Variants in TNIP1 observed in about 807,000 individuals in gnomAD.
TNIP1 encodes the protein TNFAIP3-interacting protein 1.
In TNIP1, 22 loss-of-function variants were observed where a neutral mutation model predicts 86.6. The ratio of observed to expected loss-of-function variants is 0.25; its 90% CI spans 0.18 to 0.36. The LOEUF is 0.36. Ranked by LOEUF, TNIP1 falls within the 10% of genes least tolerant of loss-of-function variation. The probability of loss-of-function intolerance (pLI) is 1.00; values close to 1 mark genes in which losing one functional copy is unlikely to be tolerated. For synonymous variants in TNIP1, 294 were observed against 313.0 expected (o/e 0.94, Z 0.64); for missense variants, 709 against 820.6 (o/e 0.86, Z 1.66).
At chr5:151,034,766 G>C in intron 15 of TNIP1, 1 of 536,474 alleles carries the variant, frequency 1.9e-6, no homozygotes, top group Non-Finnish European at 3.4e-6. Context: ...AAGAAGGCTA[G>C]TCACATGGGC....
chr5:151,030,805 T>G, intron 17 of TNIP1, 58 bp from the exon 18 acceptor site: 1 of 1,430,992 alleles, frequency 7.0e-7, no homozygotes, highest in Non-Finnish European at 9.7e-7. Flanking sequence ...AGTTTCAAAG[T>G]CTCTTATGGA....
intron 9 of TNIP1, among the ~76,000 whole-genome samples, chr5:151,043,343 G>C (rs1254922992): frequency 6.6e-6 from 1 of 152,108 alleles, no homozygotes; most frequent in Non-Finnish European, 1.5e-5. Flanking sequence ...ACTTACACAA[G>C]TGTGCAAATA....
intron 6 of TNIP1, among the ~76,000 whole-genome samples, chr5:151,052,520 C>G (rs1197066358): frequency 1.3e-5 from 2 of 152,220 alleles, no homozygotes; most frequent in Non-Finnish European, 2.9e-5. Flanking sequence ...ACAGCTCCAT[C>G]CCTTCTCCTT....
chr5:151,083,948 C>T (rs1457744103), upstream of TNIP1, among the ~76,000 whole-genome samples: 1 of 152,192 alleles, frequency 6.6e-6, no homozygotes, highest in Non-Finnish European at 1.5e-5. Flanking sequence ...GAGGTCGGCA[C>T]CATTATCATC....
chr5:151,043,999 A>C (rs1271913297), intron 9 of TNIP1, among the ~76,000 whole-genome samples: 1 of 152,080 alleles, frequency 6.6e-6, no homozygotes, highest in Admixed American at 6.5e-5. Flanking sequence ...GCATATGATA[A>C]AAAAAATTAC....
intron 15 of TNIP1, 127 bp from the exon 16 acceptor site, chr5:151,033,926 G>T: frequency 2.6e-6 from 2 of 768,502 alleles, no homozygotes; most frequent in East Asian, 3.2e-5. Flanking sequence ...GCTGGTATGT[G>T]GTCATGAAAG....
intron 9 of TNIP1, 106 bp downstream of exon 9, chr5:151,045,755 T>C: frequency 8.8e-7 from 1 of 1,131,664 alleles, no homozygotes; most frequent in Non-Finnish European, 1.3e-6. Flanking sequence ...CAACTCCTCA[T>C]GGTGACCTGG....
At position 151,060,387 on chromosome 5, in the gene TNIP1, G is replaced by C. The variant is rs770429514; in HGVS notation, c.366C>G (p.Ser122=). The change falls in exon 5 of 18, where the codon TCC becomes TCG. Residue 122 remains serine, a synonymous_variant. Coordinates refer to ENST00000521591, the MANE Select transcript of TNIP1 (RefSeq NM_006058.5). ...PVQKPPSSGT[S]SEFEVVTPEE... ...CAGGAGTGACCACTTCAAATTCAGA[G>C]GAGGTGCCCTGTGCAGAAAGGAAGT... 1 of 1,614,094 alleles carries C rather than the reference G, an allele frequency of 6.2e-7. No homozygotes were observed. Among genetic ancestry groups the C allele is most frequent in the Non-Finnish European group, 8.5e-7 (1 of 1,180,044 alleles).
At chr5:151,058,110 G>A (rs960993071) in intron 5 of TNIP1, among the ~76,000 whole-genome samples, 2 of 152,156 alleles carry the variant, frequency 1.3e-5, no homozygotes, top group East Asian at 1.9e-4. Context: ...TAGTTGAGAC[G>A]GGGTTTCACC....
intron 6 of TNIP1, among the ~76,000 whole-genome samples, chr5:151,053,298 C>T (rs2001542): frequency 0.12 from 17,902 of 151,828 alleles, 1,221 homozygotes; most frequent in African/African-American, 0.19. Context: ...TCAGTACAGA[C>T]GGGGTTTCAC....
chr5:151,075,151 G>A (rs889386921), intron 1 of TNIP1, among the ~76,000 whole-genome samples: 1 of 151,880 alleles, frequency 6.6e-6, no homozygotes, highest in Non-Finnish European at 1.5e-5. Flanking sequence ...AAACTTTAAA[G>A]AAATGCAAGA....
At position 151,030,463 on chromosome 5, in the gene TNIP1, C is replaced by T. The variant is rs781303788; in HGVS notation, c.*250G>A. ...GTCAAAGCCGGATGAGGCCTCTCTC[C>T]ACTCAGCAGCAGGGAAGGAGTTTTT... On this transcript the variant is annotated 3_prime_UTR_variant, in exon 18 of 18. Coordinates refer to ENST00000521591, the MANE Select transcript of TNIP1 (RefSeq NM_006058.5). 3.8e-5 allele frequency: 22 copies of T among 583,568 alleles called. No individual in the cohort carries two copies. The highest frequency in any genetic ancestry group is 6.6e-5 in the Non-Finnish European group (22 of 331,582). The allele number at this position is 583,568 out of a possible 1,614,324, so 36.1% of individuals were successfully genotyped here. A position where few individuals can be genotyped will look rare whatever the true frequency, so the allele number is the denominator to read the frequency against.
At chr5:151,036,645 C>T (rs575553214) in intron 13 of TNIP1, 145 bp downstream of exon 13, 1 of 1,239,236 alleles carries the variant, frequency 8.1e-7, no homozygotes, top group East Asian at 2.5e-5. Context: ...AAGGATAAAC[C>T]TAGAGCCAGT....
chr5:151,034,732 G>C, intron 15 of TNIP1: 1 of 468,684 alleles, frequency 2.1e-6, no homozygotes, highest in Non-Finnish European at 3.9e-6. Flanking sequence ...GGATACATGG[G>C]CACGGAAGGC....
chr5:151,052,346 A>ACAG, intron 6 of TNIP1, 87 bp from the exon 7 acceptor site: 2 of 1,104,664 alleles, frequency 1.8e-6, no homozygotes, highest in Non-Finnish European at 2.7e-6. Flanking sequence ...GGGGGCCTGT[A>ACAG]GCCACCCCAG....
At chr5:151,080,785 C>A (rs1281711770) in intron 1 of TNIP1, 95 bp downstream of exon 1, 1 of 152,352 alleles carries the variant, frequency 6.6e-6, no homozygotes, top group Non-Finnish European at 1.5e-5. Context: ...AAGCCACCTT[C>A]CCCAGCTCGC....
At position 151,042,749 on chromosome 5, in the gene TNIP1, C is replaced by T. The variant is rs1008089759; in HGVS notation, c.1003-78G>A. The T allele has an allele frequency of 9.4e-6, 15 of 1,599,904 alleles. No individual in the cohort carries two copies. In the African/African-American group the frequency reaches 1.9e-4, roughly 20 times the overall value. ...AGGATGTGGGCAGGGCCTGGCTGCC[C>T]CTGGGCCCTCCAACACTGCCCCCAA... On this transcript the variant is annotated intron_variant, in intron 10 of 17. Transcript: ENST00000521591.
At chr5:151,044,045 T>G (rs886081304) in intron 9 of TNIP1, among the ~76,000 whole-genome samples, 12 of 152,298 alleles carry the variant, frequency 7.9e-5, no homozygotes, top group Admixed American at 7.8e-4. Context: ...GTTATAGATA[T>G]GAATAGATAC....
chr5:151,033,885 T>G, intron 15 of TNIP1, 86 bp from the exon 16 acceptor site: 2 of 1,233,994 alleles, frequency 1.6e-6, no homozygotes, highest in Non-Finnish European at 1.1e-6. Context: ...GAATGTTAGC[T>G]CTCTGAAGGC....
Sources: allele counts gnomAD v4.1 joint callset (sites outside exome capture counted in the v4.1 genomes callset), GRCh38; gene constraint gnomAD v4.1.1; transcripts MANE v1.5; gene names NCBI Gene and HGNC (gene_info 2026-07-23, HGNC 2026-07-21).